The following NEGR1 variants were observed in gnomAD, a reference collection of about 807,000 sequenced individuals.
The protein encoded by NEGR1 is neuronal growth regulator 1.
A neutral mutation model predicts 40.9 loss-of-function variants in NEGR1; 10 were observed. The ratio of observed to expected loss-of-function variants is 0.24; its 90% CI spans 0.15 to 0.42. The LOEUF (loss-of-function observed/expected upper bound fraction) is 0.42. Ranked by LOEUF, NEGR1 falls within the 10% of genes least tolerant of loss-of-function variation. The pLI is 1.00. For synonymous variants in NEGR1, 185 were observed against 166.8 expected, an observed-to-expected ratio of 1.11 and a Z score of -0.84; for missense variants, 352 against 438.9, an observed-to-expected ratio of 0.80 and a Z score of 1.77.
At chr1:72,154,743 C>T (rs1651297401) in intron 1 of NEGR1, among the ~76,000 whole-genome samples, 2 of 151,938 alleles carry the variant, frequency 1.3e-5, no homozygotes, top group African/African-American at 2.4e-5. Context: ...TTACACATGA[C>T]TTACAGGGCA....
rs1478712264 is a variant in NEGR1, at chr1:71,399,599, T to C, written c.*7847A>G. On this transcript the variant is annotated 3_prime_UTR_variant, in exon 7 of 7. Transcript: ENST00000357731. Reference sequence around the variant, plus strand: ...AACACCACATGGCCAGCTTGCAAGCTTATTTTCCAGATCACTGATAGCAAT... The same window carrying C: ...AACACCACATGGCCAGCTTGCAAGCCTATTTTCCAGATCACTGATAGCAAT... 1 of 152,254 alleles carries C rather than the reference T, an allele frequency of 6.6e-6. No homozygotes were observed. Among genetic ancestry groups the C allele is most frequent in the East Asian group, 1.9e-4 (1 of 5,206 alleles). 9.4% of individuals were successfully genotyped at this position (152,254 alleles called of 1,614,324 possible). A position where few individuals can be genotyped will look rare whatever the true frequency, so the allele number is the denominator to read the frequency against.
chr1:71,547,864 C>G (rs1647953432), intron 6 of NEGR1, among the ~76,000 whole-genome samples: 1 of 151,726 alleles, frequency 6.6e-6, no homozygotes, highest in South Asian at 2.1e-4. Flanking sequence ...TGGTATACAA[C>G]TTTGCTCTGA....
intron 1 of NEGR1, among the ~76,000 whole-genome samples, chr1:72,040,168 C>A (rs547201408): frequency 2.0e-3 from 301 of 151,900 alleles, no homozygotes; most frequent in Middle Eastern, 3.4e-3. Context: ...TTCTCAAGCC[C>A]CAAATATATT....
At chr1:71,838,499 A>G (rs1475110159) in intron 2 of NEGR1, among the ~76,000 whole-genome samples, 1 of 152,166 alleles carries the variant, frequency 6.6e-6, no homozygotes, top group Non-Finnish European at 1.5e-5. Context: ...GGTAAAAGTC[A>G]TTGATACATT....
At chr1:71,796,931 G>A (rs1023026793) in intron 2 of NEGR1, among the ~76,000 whole-genome samples, 1 of 152,106 alleles carries the variant, frequency 6.6e-6, no homozygotes, top group African/African-American at 2.4e-5. Context: ...AAGATTACTA[G>A]GGGCTTAACG....
In NEGR1 at chr1:71,559,133, A is replaced by G. The variant is rs560528358; in HGVS notation, c.940+33684T>C. Among the ~76,000 whole-genome samples, 7 of 149,984 alleles carry G rather than the reference A, an allele frequency of 4.7e-5. No individual in the cohort carries two copies. In the South Asian group the frequency reaches 1.3e-3, roughly 27 times the overall value. On this transcript the variant is annotated intron_variant, in intron 6 of 6. Transcript: ENST00000357731. ...TCTCCAACTCCAGTCAAACACCTTT[A>G]TGGTTCATTCTAGCATTTTGGCTTT...
intron 1 of NEGR1, among the ~76,000 whole-genome samples, chr1:72,271,683 T>C (rs1271369544): frequency 2.6e-5 from 4 of 152,038 alleles, no homozygotes; most frequent in African/African-American, 7.2e-5. Context: ...GGAAAGGTTA[T>C]ATGGTTTGGC....
At chr1:71,716,447 C>T (rs1654280353) in intron 3 of NEGR1, among the ~76,000 whole-genome samples, 1 of 151,718 alleles carries the variant, frequency 6.6e-6, no homozygotes, top group Admixed American at 6.6e-5. Context: ...GTAGAAAGGC[C>T]AGAAATAATC....
At chr1:71,806,522 T>C (rs559147246) in intron 2 of NEGR1, among the ~76,000 whole-genome samples, 1 of 152,002 alleles carries the variant, frequency 6.6e-6, no homozygotes, top group Non-Finnish European at 1.5e-5. Context: ...AAATCTAGCA[T>C]GTATTTTTCT....
chr1:72,194,872 A>G (rs1652946464), intron 1 of NEGR1, among the ~76,000 whole-genome samples: 1 of 152,078 alleles, frequency 6.6e-6, no homozygotes, highest in African/African-American at 2.4e-5. Context: ...ACATCTTGAA[A>G]GGCCATGCAA....
At chr1:72,278,266 C>T (rs1194260) in intron 1 of NEGR1, among the ~76,000 whole-genome samples, 327 of 151,956 alleles carry the variant, frequency 2.2e-3, no homozygotes, top group African/African-American at 7.5e-3. Flanking sequence ...TTCCTTTCTT[C>T]GATTAAAGCA....
chr1:71,508,314 G>A (rs1308257385), intron 6 of NEGR1, among the ~76,000 whole-genome samples: 2 of 152,130 alleles, frequency 1.3e-5, no homozygotes, highest in African/African-American at 2.4e-5. Flanking sequence ...AAGGGACTGA[G>A]AAAAGAGACC....
chr1:71,837,118 T>G (rs1228950832), intron 2 of NEGR1: 2 of 152,142 alleles, frequency 1.3e-5, no homozygotes, highest in African/African-American at 2.4e-5. Flanking sequence ...AATACTAGCC[T>G]ATTCACAAGT....
In NEGR1 at chr1:71,595,432, C is replaced by T. The variant is rs935798827; in HGVS notation, c.789-2464G>A. Among the ~76,000 whole-genome samples, 10 of 152,304 alleles carry T rather than the reference C, an allele frequency of 6.6e-5. No individual in the cohort carries two copies. The South Asian group carries it at 1.0e-3, about 16-fold the overall frequency. On this transcript the variant is annotated intron_variant, in intron 5 of 6. Coordinates refer to ENST00000357731, the MANE Select transcript of NEGR1 (RefSeq NM_173808.3). ...ACATCACGTAAGAACCTATCTTCAT[C>T]TGGTAGATGGCTGGAAGAAGGACTT...
At chr1:71,948,479 G>C (rs1570542494) in intron 1 of NEGR1, among the ~76,000 whole-genome samples, 1 of 124,892 alleles carries the variant, frequency 8.0e-6, no homozygotes, top group South Asian at 2.9e-4. Flanking sequence ...GCTTCAAAAG[G>C]GGCGTGTGTG....
intron 1 of NEGR1, among the ~76,000 whole-genome samples, chr1:72,129,474 T>A (rs1650160371): frequency 6.6e-6 from 1 of 152,200 alleles, no homozygotes; most frequent in African/African-American, 2.4e-5. Context: ...GCTTCTTATA[T>A]ACCAGAGCTA....
intron 1 of NEGR1, among the ~76,000 whole-genome samples, chr1:72,084,711 AG>A (rs1430217270): frequency 1.3e-5 from 2 of 152,176 alleles, no homozygotes; most frequent in African/African-American, 2.4e-5. Context: ...AGTATTTGCA[AG>A]GACTAATAGA....
chr1:71,670,801 C>G (rs905432625), intron 4 of NEGR1, among the ~76,000 whole-genome samples: 1 of 152,056 alleles, frequency 6.6e-6, no homozygotes, highest in Non-Finnish European at 1.5e-5. Context: ...AGATATGTCT[C>G]TCTGATCAAA....
At chr1:71,606,833 T>TA (rs970409263) in intron 5 of NEGR1, among the ~76,000 whole-genome samples, 1 of 152,134 alleles carries the variant, frequency 6.6e-6, no homozygotes, top group Non-Finnish European at 1.5e-5. Flanking sequence ...TAAGGGGTTT[T>TA]AAGCTGATTG....
Sources: gnomAD v4.1 joint callset for allele counts (sites outside exome capture counted in the v4.1 genomes callset) on GRCh38, gnomAD v4.1.1 for gene constraint, MANE v1.5 for transcripts, NCBI Gene and HGNC (gene_info 2026-07-23, HGNC 2026-07-21) for gene names.